Variants in NTM observed in about 807,000 individuals in gnomAD.
NTM encodes IgLON family member 2.
NTM carries 13 observed loss-of-function variants against 42.1 expected under a neutral mutation model. The ratio of observed to expected loss-of-function variants is 0.31; its 90% CI spans 0.20 to 0.49. The LOEUF (loss-of-function observed/expected upper bound fraction) is 0.49. NTM is among the 20% of genes least tolerant of loss of function. NTM has a pLI of 0.99. For synonymous variants in NTM, 187 were observed against 179.2 expected, an observed-to-expected ratio of 1.04 and a Z score of -0.35; for missense variants, 373 against 452.8, an observed-to-expected ratio of 0.82 and a Z score of 1.60.
chr11:131,462,942 T>C (rs1591740587), intron 1 of NTM, among the ~76,000 whole-genome samples: 1 of 150,482 alleles, frequency 6.6e-6, no homozygotes, highest in African/African-American at 2.5e-5. Flanking sequence ...GGGTCACTTA[T>C]CTACTCATGA....
At chr11:131,799,414 G>A (rs2091915905) in intron 1 of NTM, among the ~76,000 whole-genome samples, 1 of 152,112 alleles carries the variant, frequency 6.6e-6, no homozygotes, top group South Asian at 2.1e-4. Context: ...TATTGCAGGT[G>A]TACAAACAAA....
chr11:131,640,438 G>A (rs1367435448), intron 1 of NTM, among the ~76,000 whole-genome samples: 3 of 152,196 alleles, frequency 2.0e-5, no homozygotes, highest in Non-Finnish European at 4.4e-5. Flanking sequence ...CCCGTCAGAG[G>A]CTTCCTGCAG....
At position 131,812,477 on chromosome 11, in the gene NTM, C is replaced by A. The variant is rs979955783; in HGVS notation, c.83-99087C>A. 2.0e-5 allele frequency among the ~76,000 whole-genome samples: 3 copies of A among 152,242 alleles called. No individual in the cohort carries two copies. In the East Asian group the frequency reaches 5.8e-4, roughly 29 times the overall value. On this transcript the variant is annotated intron_variant, in intron 1 of 8. Transcript: ENST00000683400. ...AATGACCATGTGGCATTAGAGCCTGCCTTGCCTTCTCTCCATCCCTCCTTT... is the reference window on the plus strand; with the variant it reads ...AATGACCATGTGGCATTAGAGCCTGACTTGCCTTCTCTCCATCCCTCCTTT...
At chr11:132,231,384 T>C (rs1205250094) in intron 4 of NTM, among the ~76,000 whole-genome samples, 1 of 152,220 alleles carries the variant, frequency 6.6e-6, no homozygotes, top group South Asian at 2.1e-4. Flanking sequence ...CAAAGCCTCA[T>C]AATTAACGTC....
At chr11:131,406,309 G>A (rs535325957) in intron 1 of NTM, among the ~76,000 whole-genome samples, 3 of 152,266 alleles carry the variant, frequency 2.0e-5, no homozygotes, top group Middle Eastern at 3.4e-3. Flanking sequence ...TTTCTATCTA[G>A]AAACTGGGAC....
intron 1 of NTM, among the ~76,000 whole-genome samples, chr11:131,561,808 T>A (rs1565641429): frequency 6.6e-6 from 1 of 152,152 alleles, no homozygotes; most frequent in Non-Finnish European, 1.5e-5. Context: ...CTTCTTCACC[T>A]CCTTTTGTTT....
chr11:132,285,719 C>G (rs1167866844), intron 4 of NTM, among the ~76,000 whole-genome samples: 1 of 152,198 alleles, frequency 6.6e-6, no homozygotes, highest in Non-Finnish European at 1.5e-5. Flanking sequence ...TTCTTTGCAT[C>G]ACTCCCCTTT....
At chr11:132,122,124 A>T (rs964235514) in intron 2 of NTM, among the ~76,000 whole-genome samples, 7 of 152,230 alleles carry the variant, frequency 4.6e-5, no homozygotes, top group African/African-American at 7.2e-5. Context: ...GTAGCAAGCC[A>T]TTGTGCTAGG....
intron 1 of NTM, among the ~76,000 whole-genome samples, chr11:131,591,951 C>T (rs1161000983): frequency 6.6e-6 from 1 of 152,150 alleles, no homozygotes; most frequent in Admixed American, 6.5e-5. Flanking sequence ...TGTTGGAAGC[C>T]CATCCCACAG....
intron 4 of NTM, among the ~76,000 whole-genome samples, chr11:132,245,491 G>A (rs948385728): frequency 6.6e-6 from 1 of 152,120 alleles, no homozygotes; most frequent in African/African-American, 2.4e-5. Context: ...ATTAGAAAGA[G>A]CAAGCGGAGC....
At chr11:131,998,267 T>C (rs2068464848) in intron 2 of NTM, among the ~76,000 whole-genome samples, 1 of 152,198 alleles carries the variant, frequency 6.6e-6, no homozygotes, top group Non-Finnish European at 1.5e-5. Context: ...TCGTAAAAGC[T>C]GCGTGGAGTG....
rs146048500 is a variant in NTM at position 131,499,992 on chromosome 11, C to T, written c.82+129104C>T. Among the ~76,000 whole-genome samples the T allele has an allele frequency of 2.2e-3, 337 of 152,354 alleles. 4 individuals carry two copies. The highest frequency in any genetic ancestry group is 7.8e-3 in the African/African-American group (323 of 41,596). ...CGGCACAAACCAAGGGACAGGAGGG[C>T]TGTGTGTCACTGCAAATGCTGGGTG... On this transcript the variant is annotated intron_variant, in intron 1 of 8. Coordinates refer to ENST00000683400, the MANE Select transcript of NTM (RefSeq NM_001352005.2).
chr11:131,469,152 G>A (rs77506351), intron 1 of NTM, among the ~76,000 whole-genome samples: 1,789 of 152,138 alleles, frequency 0.012, 41 homozygotes, highest in African/African-American at 0.041. Context: ...CACAACCAGC[G>A]CCTCTGCATC....
At chr11:131,670,487 C>A (rs1049858249) in intron 1 of NTM, among the ~76,000 whole-genome samples, 1 of 152,036 alleles carries the variant, frequency 6.6e-6, no homozygotes, top group Non-Finnish European at 1.5e-5. Flanking sequence ...CTGTTTCGTT[C>A]CCATTTCTGA....
chr11:131,753,391 G>A (rs942355302), intron 1 of NTM, among the ~76,000 whole-genome samples: 1 of 141,994 alleles, frequency 7.0e-6, no homozygotes, highest in African/African-American at 3.0e-5. Context: ...CCATTACTGG[G>A]TATATAACCA....
Position 131,889,276 on chromosome 11 carries a change from G to C in NTM, c.83-22288G>C, listed in dbSNP as rs560693442. 5.3e-5 allele frequency among the ~76,000 whole-genome samples: 8 copies of C among 152,326 alleles called. No homozygotes were observed. The South Asian group carries it at 1.7e-3, about 32-fold the overall frequency. ...AGGAGCATAAGATACAGGCCAGGCAGATTCCACTTCAGCTCCCAGATTGAA... is the reference window on the plus strand; with the variant it reads ...AGGAGCATAAGATACAGGCCAGGCACATTCCACTTCAGCTCCCAGATTGAA... On this transcript the variant is annotated intron_variant, in intron 1 of 8. Coordinates refer to ENST00000683400, the MANE Select transcript of NTM (RefSeq NM_001352005.2).
intron 4 of NTM, among the ~76,000 whole-genome samples, chr11:132,240,360 T>C (rs2139198361): frequency 6.6e-6 from 1 of 152,340 alleles, no homozygotes; most frequent in South Asian, 2.1e-4. Context: ...CAGAGTGGAA[T>C]CTAGCAGAAA....
At chr11:131,537,366 C>CT (rs2052430392) in intron 1 of NTM, 1 of 152,146 alleles carries the variant, frequency 6.6e-6, no homozygotes. Flanking sequence ...AACACGTGAG[C>CT]CTGAGGAAGA....
intron 4 of NTM, among the ~76,000 whole-genome samples, chr11:132,298,067 G>A (rs764123307): frequency 6.6e-6 from 1 of 152,148 alleles, no homozygotes; most frequent in Non-Finnish European, 1.5e-5. Context: ...ATGGTGTCAG[G>A]AGAACCTTAA....
Sources: allele counts gnomAD v4.1 joint callset (sites outside exome capture counted in the v4.1 genomes callset), GRCh38; gene constraint gnomAD v4.1.1; transcripts MANE v1.5; gene names NCBI Gene and HGNC (gene_info 2026-07-23, HGNC 2026-07-21).